RECQL: variants seen among roughly 807,000 people sequenced by gnomAD.
RECQL encodes the protein ATP-dependent DNA helicase Q1.
Under a neutral mutation model 75.8 loss-of-function variants are expected in RECQL, and 73 were observed. That is an observed-to-expected ratio of 0.96 (90% CI 0.80 to 1.17). The LOEUF is 1.17. RECQL is among the 50% of genes most tolerant of loss of function. RECQL has a pLI of 0.00. For missense variants in RECQL, 699 were observed against 772.1 expected, an observed-to-expected ratio of 0.91 and a Z score of 1.12; for synonymous variants, 248 against 254.4, an observed-to-expected ratio of 0.97 and a Z score of 0.24.
At chr12:21,491,372 C>G (rs1943408065) in intron 3 of RECQL, 147 bp downstream of exon 3, 2 of 691,810 alleles carry the variant, frequency 2.9e-6, no homozygotes, top group Admixed American at 6.5e-5. Flanking sequence ...AAAGAATGAT[C>G]CACCTGCAAG....
At chr12:21,478,434 T>A (rs1165167017) in intron 6 of RECQL, among the ~76,000 whole-genome samples, 1 of 152,150 alleles carries the variant, frequency 6.6e-6, no homozygotes, top group African/African-American at 2.4e-5. Flanking sequence ...AGAAATTGCT[T>A]ACATGCTAAG....
At chr12:21,473,355 T>C (rs568904565) in intron 12 of RECQL, among the ~76,000 whole-genome samples, 196 bp downstream of exon 12, 106 of 152,266 alleles carry the variant, frequency 7.0e-4, no homozygotes, top group African/African-American at 2.3e-3. Flanking sequence ...AGTAACACGC[T>C]GTACAGATTG....
At chr12:21,484,299 T>C (rs944060890) in intron 5 of RECQL, among the ~76,000 whole-genome samples, 3 of 152,144 alleles carry the variant, frequency 2.0e-5, no homozygotes, top group African/African-American at 7.2e-5. Context: ...AAGCAGTTTG[T>C]TAACTCCTAG....
chr12:21,489,428 G>A (rs1943367243), intron 4 of RECQL, among the ~76,000 whole-genome samples: 1 of 152,182 alleles, frequency 6.6e-6, no homozygotes, highest in South Asian at 2.1e-4. Flanking sequence ...TAGAAATGCA[G>A]GATCTTTGGT....
At chr12:21,476,176 A>G (rs975475054) in intron 8 of RECQL, among the ~76,000 whole-genome samples, 1 of 152,018 alleles carries the variant, frequency 6.6e-6, no homozygotes, top group African/African-American at 2.4e-5. Context: ...GTTAATTTAG[A>G]TTAATTTGCA....
At chr12:21,473,407 C>T in intron 12 of RECQL, 144 bp downstream of exon 12, 1 of 651,996 alleles carries the variant, frequency 1.5e-6, no homozygotes, top group East Asian at 2.7e-5. Flanking sequence ...ACCTAGGAGA[C>T]TATACCATCT....
intron 6 of RECQL, among the ~76,000 whole-genome samples, chr12:21,481,446 A>C (rs1943190636): frequency 6.6e-6 from 1 of 152,154 alleles, no homozygotes; most frequent in Non-Finnish European, 1.5e-5. Context: ...GGTAATACTT[A>C]AGCAAGGGTG....
intron 4 of RECQL, among the ~76,000 whole-genome samples, chr12:21,487,035 A>G (rs751737680): frequency 2.6e-5 from 4 of 152,176 alleles, no homozygotes; most frequent in Non-Finnish European, 4.4e-5. Context: ...ATGCAGCTTT[A>G]GTAAAGCTTA....
chr12:21,476,971 T>C lies in RECQL; in HGVS notation c.889A>G (p.Thr297Ala), dbSNP rs146080041. The C allele has an allele frequency of 1.1e-5, 18 of 1,609,546 alleles. No individual in the cohort carries two copies. Among genetic ancestry groups the C allele is most frequent in the Non-Finnish European group, 1.5e-5 (18 of 1,178,186 alleles). ...YYEVRQKPSN[T>A]EDFIEDIVKL... is the part of the protein sequence containing the mutation. The stretch of plus-strand genomic sequence containing the variant: ...ACAATATCCTCAATAAAATCTTCAG[T>C]GTTTGAGGGCTTCTGCCGAACCTAA... The change falls in exon 8 of 15, where the codon ACT becomes GCT. Residue 297 changes from threonine (T) to alanine (A), a missense_variant. Thr to Ala is a moderately conservative substitution (Grantham distance 58). This residue lies in a region of RECQL where 669 missense variants were observed against 713.5 expected (regional missense o/e 0.94). Coordinates refer to ENST00000444129, the MANE Select transcript of RECQL (RefSeq NM_002907.4).
intron 4 of RECQL, among the ~76,000 whole-genome samples, chr12:21,488,243 T>A (rs11046081): frequency 0.11 from 16,176 of 152,198 alleles, 949 homozygotes; most frequent in East Asian, 0.22. Context: ...TATTAACTAC[T>A]CCCTCATTCA....
At chr12:21,475,026 C>G (rs750962253) in intron 10 of RECQL, 47 bp from the exon 11 acceptor site, 1 of 1,565,914 alleles carries the variant, frequency 6.4e-7, no homozygotes, top group Admixed American at 1.8e-5. Context: ...TTTACAAATT[C>G]AAAATATGCA....
chr12:21,475,422 G>T, intron 10 of RECQL, 46 bp downstream of exon 10: 1 of 1,150,496 alleles, frequency 8.7e-7, no homozygotes, highest in Admixed American at 2.0e-5. Context: ...TGTATTTTTT[G>T]GAAAAGCTTT....
rs965549896 is a variant in RECQL at position 21,501,557 on chromosome 12, C to T, written c.-433G>A. The T allele has an allele frequency of 2.6e-5, 7 of 264,218 alleles. No homozygotes were observed. The highest frequency in any genetic ancestry group is 6.7e-5 in the African/African-American group (3 of 44,690). The allele number at this position is 264,218 out of a possible 1,614,324, so 16.4% of individuals were successfully genotyped here. Reference sequence around the variant, plus strand: ...ATCTCCGACTCTCGGATCTCCGACACCAAAGCACCCAGGCCTCGAGCAGAT... The same window carrying T: ...ATCTCCGACTCTCGGATCTCCGACATCAAAGCACCCAGGCCTCGAGCAGAT... On this transcript the variant is annotated 5_prime_UTR_variant, in exon 1 of 15. It adds an upstream start codon to the 5' untranslated region. Coordinates refer to ENST00000444129, the MANE Select transcript of RECQL (RefSeq NM_002907.4).
In RECQL at chr12:21,469,460, C is replaced by G. The variant is rs1279522447; in HGVS notation, c.*734G>C. ...AGACAATTCTTCTTCCAATGTGGCT[C>G]AGGGAAGCCAAAAGATTGGACATCC... On this transcript the variant is annotated 3_prime_UTR_variant, in exon 15 of 15. Coordinates refer to ENST00000444129, the MANE Select transcript of RECQL (RefSeq NM_002907.4). The G allele has an allele frequency of 6.6e-6, 1 of 150,378 alleles. No individual in the cohort carries two copies. The highest frequency in any genetic ancestry group is 1.5e-5 in the Non-Finnish European group (1 of 67,750). 9.3% of individuals were successfully genotyped at this position (150,378 alleles called of 1,614,324 possible).
chr12:21,498,788 C>A (rs1053172697), intron 2 of RECQL, among the ~76,000 whole-genome samples: 1 of 152,166 alleles, frequency 6.6e-6, no homozygotes, highest in Admixed American at 6.5e-5. Context: ...AGCAAAGACC[C>A]ATTACCAACT....
intron 11 of RECQL, 76 bp from the exon 12 acceptor site, chr12:21,473,718 G>T: frequency 8.3e-7 from 1 of 1,204,158 alleles, no homozygotes; most frequent in South Asian, 1.3e-5. Flanking sequence ...AGCTTACATA[G>T]TTATATACTG....
intron 2 of RECQL, among the ~76,000 whole-genome samples, chr12:21,492,775 G>C (rs1244681207): frequency 6.6e-6 from 1 of 152,224 alleles, no homozygotes; most frequent in Non-Finnish European, 1.5e-5. Flanking sequence ...CTAAATCTTG[G>C]TGGAACAACT....
At chr12:21,493,195 G>A (rs1210477093) in intron 2 of RECQL, among the ~76,000 whole-genome samples, 1 of 152,166 alleles carries the variant, frequency 6.6e-6, no homozygotes, top group Non-Finnish European at 1.5e-5. Flanking sequence ...GATCTGATTA[G>A]ATTTCAAGGC....
chr12:21,499,512 A>G, intron 2 of RECQL, 43 bp downstream of exon 2: 1 of 1,503,810 alleles, frequency 6.6e-7, no homozygotes. Flanking sequence ...TACAAACAGA[A>G]ATAGAACAGA....
Sources: allele counts gnomAD v4.1 joint callset (sites outside exome capture counted in the v4.1 genomes callset), GRCh38; gene constraint gnomAD v4.1.1; regional missense constraint gnomAD v4.1.1; transcripts MANE v1.5; gene names NCBI Gene and HGNC (gene_info 2026-07-23, HGNC 2026-07-21).